Variants in TNKS observed in about 807,000 individuals in gnomAD.
TNKS encodes the protein tankyrase.
Under a neutral mutation model 135.8 loss-of-function variants are expected in TNKS, and 72 were observed. The observed-to-expected ratio is 0.53, with a 90% CI of 0.44 to 0.64. The LOEUF (loss-of-function observed/expected upper bound fraction) is 0.64, where lower values mean the gene tolerates loss of function less well. Ranked by LOEUF, TNKS falls within the 30% of genes least tolerant of loss-of-function variation. The pLI is 0.00. For synonymous variants in TNKS, 849 were observed against 649.3 expected (o/e 1.31, Z -4.68); for missense variants, 1,769 against 1,674.0 (o/e 1.06, Z -0.99).
intron 3 of TNKS, among the ~76,000 whole-genome samples, chr8:9,659,765 A>G (rs1462344536): frequency 1.3e-5 from 2 of 152,232 alleles, no homozygotes; most frequent in Admixed American, 6.5e-5. Context: ...TAGAGACACA[A>G]AAAACCGTTC....
At chr8:9,646,618 G>C (rs1488657605) in intron 3 of TNKS, among the ~76,000 whole-genome samples, 1 of 152,128 alleles carries the variant, frequency 6.6e-6, no homozygotes, top group East Asian at 1.9e-4. Context: ...TTTATTATCA[G>C]AAACTCATGG....
intron 2 of TNKS, among the ~76,000 whole-genome samples, chr8:9,608,375 T>C (rs1012958619): frequency 6.6e-6 from 1 of 152,088 alleles, no homozygotes; most frequent in South Asian, 2.1e-4. Flanking sequence ...TTCTAGGTCA[T>C]GCTGCTTATT....
chr8:9,661,866 A>G (rs1801732762), intron 3 of TNKS, among the ~76,000 whole-genome samples: 1 of 152,250 alleles, frequency 6.6e-6, no homozygotes, highest in South Asian at 2.1e-4. Flanking sequence ...CAGAATTTAC[A>G]AAGAACTCAA....
At chr8:9,622,785 A>G (rs913295736) in intron 3 of TNKS, among the ~76,000 whole-genome samples, 2 of 152,206 alleles carry the variant, frequency 1.3e-5, no homozygotes, top group Non-Finnish European at 2.9e-5. Context: ...TATTATTATA[A>G]TAAAATGGAT....
intron 5 of TNKS, among the ~76,000 whole-genome samples, chr8:9,684,729 C>A (rs1294106767): frequency 6.6e-6 from 1 of 152,138 alleles, no homozygotes; most frequent in Non-Finnish European, 1.5e-5. Flanking sequence ...CTGCTCCTTT[C>A]ATTCATTCAT....
At chr8:9,643,623 A>G (rs996312937) in intron 3 of TNKS, among the ~76,000 whole-genome samples, 9 of 152,244 alleles carry the variant, frequency 5.9e-5, no homozygotes, top group African/African-American at 2.2e-4. Flanking sequence ...ATAGAAAATA[A>G]GTATTGGCAA....
intron 13 of TNKS, among the ~76,000 whole-genome samples, chr8:9,729,922 A>G (rs1471598446): frequency 6.6e-6 from 1 of 151,684 alleles, no homozygotes; most frequent in South Asian, 2.1e-4. Context: ...GACTACAGGC[A>G]CGCGCCACCA....
At chr8:9,609,437 A>G (rs2128762795) in intron 2 of TNKS, among the ~76,000 whole-genome samples, 1 of 152,322 alleles carries the variant, frequency 6.6e-6, no homozygotes, top group South Asian at 2.1e-4. Flanking sequence ...ATCCTGAGGT[A>G]TCACCCTTGT....
At chr8:9,634,895 C>T (rs974537396) in intron 3 of TNKS, among the ~76,000 whole-genome samples, 5 of 152,064 alleles carry the variant, frequency 3.3e-5, no homozygotes, top group African/African-American at 9.7e-5. Context: ...ATGAACTGCT[C>T]GGCCGGGCGC....
intron 12 of TNKS, among the ~76,000 whole-genome samples, 154 bp downstream of exon 12, chr8:9,720,699 G>A (rs1804832142): frequency 2.0e-5 from 3 of 152,038 alleles, no homozygotes; most frequent in Admixed American, 6.5e-5. Context: ...CCCTTTTTTG[G>A]TAGGGTAAGG....
chr8:9,768,266 A>G (rs531198007), intron 25 of TNKS, among the ~76,000 whole-genome samples: 20 of 152,286 alleles, frequency 1.3e-4, no homozygotes, highest in African/African-American at 3.6e-4. Context: ...ACTGAGGTGG[A>G]GAAGACAGCA....
chr8:9,769,108 T>C (rs1807641448), intron 25 of TNKS, among the ~76,000 whole-genome samples: 1 of 152,232 alleles, frequency 6.6e-6, no homozygotes, highest in Admixed American at 6.5e-5. Context: ...ATAATTATTT[T>C]AGGTTTTGCA....
chr8:9,646,537 T>C (rs186366593), intron 3 of TNKS, among the ~76,000 whole-genome samples: 1,689 of 152,286 alleles, frequency 0.011, 12 homozygotes, highest in African/African-American at 0.023. Flanking sequence ...CATTGTGTGA[T>C]TGGTGACTTC....
intron 6 of TNKS, among the ~76,000 whole-genome samples, chr8:9,705,011 G>T (rs1421215960): frequency 1.3e-5 from 2 of 152,150 alleles, no homozygotes; most frequent in African/African-American, 4.8e-5. Flanking sequence ...CTCAGTTGCA[G>T]TTAGGGTTTT....
At chr8:9,721,260 G>C (rs1804865797) in intron 12 of TNKS, among the ~76,000 whole-genome samples, 1 of 126,662 alleles carries the variant, frequency 7.9e-6, no homozygotes, top group Admixed American at 9.8e-5. Flanking sequence ...CCAGCCTGGA[G>C]ACAGAGTGAA....
chr8:9,604,059 G>C (rs1241550285), intron 2 of TNKS, among the ~76,000 whole-genome samples: 1 of 152,120 alleles, frequency 6.6e-6, no homozygotes, highest in East Asian at 1.9e-4. Flanking sequence ...ATGAAAATAA[G>C]TACTACATTT....
At chr8:9,560,959 G>T (rs865817647) in intron 1 of TNKS, among the ~76,000 whole-genome samples, 1 of 152,124 alleles carries the variant, frequency 6.6e-6, no homozygotes, top group Middle Eastern at 3.4e-3. Context: ...ATGATTTAAA[G>T]AACAAATTAG....
chr8:9,617,957 A>G (rs1799705942), intron 3 of TNKS, among the ~76,000 whole-genome samples: 1 of 150,016 alleles, frequency 6.7e-6, no homozygotes, highest in Admixed American at 6.6e-5. Context: ...CTTAAAGGCA[A>G]TTAATAAAGT....
At chr8:9,689,178 A>C (rs941165838) in intron 5 of TNKS, among the ~76,000 whole-genome samples, 1 of 152,168 alleles carries the variant, frequency 6.6e-6, no homozygotes, top group African/African-American at 2.4e-5. Context: ...ATTATCACTC[A>C]AGCTTGCTTC....
Sources: allele counts gnomAD v4.1 joint callset (sites outside exome capture counted in the v4.1 genomes callset), GRCh38; gene constraint gnomAD v4.1.1; transcripts MANE v1.5; gene names NCBI Gene and HGNC (gene_info 2026-07-23, HGNC 2026-07-21).